LRRK2: variants seen among roughly 807,000 people sequenced by gnomAD.
LRRK2 encodes leucine-rich repeat serine/threonine-protein kinase 2.
LRRK2 carries 203 observed loss-of-function variants against 302.6 expected under a neutral mutation model. The ratio of observed to expected loss-of-function variants is 0.67; its 90% CI spans 0.60 to 0.75. LRRK2 has a LOEUF of 0.75. LRRK2 is among the 30% of genes least tolerant of loss of function. The pLI is 0.00. For synonymous variants in LRRK2, 1,066 were observed against 1,031.9 expected, an observed-to-expected ratio of 1.03 and a Z score of -0.63; for missense variants, 2,830 against 2,951.0, an observed-to-expected ratio of 0.96 and a Z score of 0.95.
At chr12:40,260,594 A>G (rs925670045) in intron 13 of LRRK2, among the ~76,000 whole-genome samples, 1 of 152,104 alleles carries the variant, frequency 6.6e-6, no homozygotes, top group Non-Finnish European at 1.5e-5. Flanking sequence ...GCCTTTTAAA[A>G]ATGGAAGCCA....
intron 2 of LRRK2, among the ~76,000 whole-genome samples, chr12:40,229,392 A>C (rs1455638007): frequency 6.6e-6 from 1 of 152,158 alleles, no homozygotes; most frequent in Non-Finnish European, 1.5e-5. Flanking sequence ...CCAGACTGCC[A>C]GTTTTATTTT....
chr12:40,333,391 T>C (rs1945773011), intron 39 of LRRK2, among the ~76,000 whole-genome samples: 2 of 152,190 alleles, frequency 1.3e-5, no homozygotes, highest in African/African-American at 2.4e-5. Flanking sequence ...GCAGTGCTTC[T>C]GCAGCAATCA....
chr12:40,298,521 G>A (rs771985404), intron 24 of LRRK2, 28 bp downstream of exon 24: 2 of 1,612,912 alleles, frequency 1.2e-6, no homozygotes, highest in Non-Finnish European at 1.7e-6. Flanking sequence ...AAAAATAAAA[G>A]GGTTGCCTAA....
intron 38 of LRRK2, among the ~76,000 whole-genome samples, chr12:40,326,557 C>T (rs1169526759): frequency 6.7e-6 from 1 of 149,086 alleles, no homozygotes; most frequent in African/African-American, 2.5e-5. Flanking sequence ...GAGTATGTTT[C>T]TTCTCTATGC....
intron 45 of LRRK2, among the ~76,000 whole-genome samples, chr12:40,355,643 A>T (rs914580779): frequency 1.3e-5 from 2 of 151,406 alleles, no homozygotes; most frequent in African/African-American, 4.9e-5. Flanking sequence ...CCTAAGTTCA[A>T]GCGATTCTCT....
At chr12:40,270,481 G>A (rs183379933) in intron 14 of LRRK2, among the ~76,000 whole-genome samples, 1 of 151,688 alleles carries the variant, frequency 6.6e-6, no homozygotes, top group East Asian at 1.9e-4. Flanking sequence ...ATATTTTGTT[G>A]TTGTTTTTGC....
intron 29 of LRRK2, 87 bp from the exon 30 acceptor site, chr12:40,309,019 G>C: frequency 7.3e-7 from 1 of 1,365,582 alleles, no homozygotes; most frequent in South Asian, 1.2e-5. Context: ...ATAATAAATA[G>C]TATTATTCTC....
intron 47 of LRRK2, among the ~76,000 whole-genome samples, chr12:40,362,323 T>A (rs1246417874): frequency 1.3e-5 from 2 of 152,078 alleles, no homozygotes; most frequent in Admixed American, 1.3e-4. Context: ...GATTGTTAAA[T>A]CTTTATGGTA....
chr12:40,227,767 C>G (rs1592128677), intron 2 of LRRK2: 2 of 152,244 alleles, frequency 1.3e-5, no homozygotes, highest in East Asian at 3.8e-4. Context: ...GTGATCAAAG[C>G]TCACTGCAGG....
At chr12:40,259,641 T>C (rs1430964180) in intron 13 of LRRK2, 37 bp downstream of exon 13, 1 of 1,610,640 alleles carries the variant, frequency 6.2e-7, no homozygotes, top group Non-Finnish European at 8.5e-7. Flanking sequence ...GAGATAACAA[T>C]TTAAATGGAT....
intron 3 of LRRK2, among the ~76,000 whole-genome samples, chr12:40,234,049 AG>A (rs1941320957): frequency 6.6e-6 from 1 of 152,204 alleles, no homozygotes; most frequent in Non-Finnish European, 1.5e-5. Flanking sequence ...CCAGTACTGA[AG>A]AAAAATTTCT....
At chr12:40,247,539 TATACATATTTATACACA>T (rs1942044880) in intron 7 of LRRK2, among the ~76,000 whole-genome samples, 2 of 93,126 alleles carry the variant, frequency 2.1e-5, no homozygotes, top group Non-Finnish European at 5.3e-5. Flanking sequence ...TGTATATAAA[TATACATATTTATACACA>T]GATGTATATA....
chr12:40,361,605 T>C (rs79428636), intron 47 of LRRK2, among the ~76,000 whole-genome samples: 4,696 of 152,182 alleles, frequency 0.031, 261 homozygotes, highest in African/African-American at 0.11. Flanking sequence ...TATGGGATTA[T>C]GGATATCAGT....
Position 40,263,891 on chromosome 12 carries a change from C to A in LRRK2, c.1646C>A (p.Ala549Asp), listed in dbSNP as rs1305033151. ...GATATTCACAAACTGGTCCTAGCAG[C>A]TTTGAACAGGGTATGTTGAATATAA... ...KNDIHKLVLA[A>D]LNRFIGNPGI... is the part of the protein sequence containing the mutation. The change falls in exon 14 of 51, where the codon GCT becomes GAT. Residue 549 changes from alanine to aspartate, a missense_variant. Coordinates refer to ENST00000298910, the MANE Select transcript of LRRK2 (RefSeq NM_198578.4). 3.1e-6 allele frequency: 5 copies of A among 1,605,444 alleles called. No individual in the cohort carries two copies. In the African/African-American group the frequency reaches 5.4e-5, roughly 17 times the overall value.
intron 32 of LRRK2, 55 bp from the exon 33 acceptor site, chr12:40,315,157 C>G: frequency 7.0e-7 from 1 of 1,422,198 alleles, no homozygotes; most frequent in Non-Finnish European, 9.9e-7. Context: ...TTCTAAAGCC[C>G]CTTGATATTT....
intron 16 of LRRK2, 32 bp downstream of exon 16, chr12:40,275,025 A>G (rs1199236332): frequency 6.2e-7 from 1 of 1,613,028 alleles, no homozygotes; most frequent in Admixed American, 1.7e-5. Context: ...GAATTTGGGA[A>G]CTTGTGCGAA....
intron 18 of LRRK2, among the ~76,000 whole-genome samples, chr12:40,279,025 G>A (rs1244625308): frequency 6.6e-6 from 1 of 151,496 alleles, no homozygotes; most frequent in Non-Finnish European, 1.5e-5. Flanking sequence ...CATATGGTGT[G>A]TATTCAATAA....
chr12:40,314,049 TA>T lies in LRRK2; in HGVS notation c.4619del (p.Asn1540MetfsTer8). ...ELEKIILSER[K>X]NVPIEFPVID... ...TTGAAAAAATCATTTTATCGGAGCG[TA>T]AAAATGTGCCAATTGAATTTCCCGT... is the stretch of plus-strand genomic sequence containing the variant. On this transcript the variant is annotated frameshift_variant, in exon 32 of 51. Coordinates refer to ENST00000298910, the MANE Select transcript of LRRK2 (RefSeq NM_198578.4). LOFTEE classifies it high-confidence loss of function. The T allele has an allele frequency of 6.2e-7, 1 of 1,612,584 alleles. No homozygotes were observed. Among genetic ancestry groups the T allele is most frequent in the Non-Finnish European group, 8.5e-7 (1 of 1,178,996 alleles).
rs185186905 is a variant in LRRK2, at chr12:40,366,820, G to A, written c.7391-186G>A. ...GAATTGCAGCAAGGAGTGGATCACA[G>A]ATTTTGTTATTTTTTAAAAAAATGC... On this transcript the variant is annotated intron_variant, in intron 49 of 50. Coordinates refer to ENST00000298910, the MANE Select transcript of LRRK2 (RefSeq NM_198578.4). 25 of 523,760 alleles carry A rather than the reference G, an allele frequency of 4.8e-5. 1 individual carries two copies. Among genetic ancestry groups the A allele is most frequent in the Non-Finnish European group, 1.0e-5 (3 of 288,976 alleles). 32.4% of individuals were successfully genotyped at this position (523,760 alleles called of 1,614,324 possible). A position where few individuals can be genotyped will look rare whatever the true frequency, so the allele number is the denominator to read the frequency against.
Sources: gnomAD v4.1 joint callset for allele counts (sites outside exome capture counted in the v4.1 genomes callset) on GRCh38, gnomAD v4.1.1 for gene constraint, MANE v1.5 for transcripts, NCBI Gene and HGNC (gene_info 2026-07-23, HGNC 2026-07-21) for gene names.